Variants in NMT1 observed in about 807,000 individuals in gnomAD.
NMT1 encodes the protein N-myristoyltransferase 1.
In NMT1, 12 loss-of-function variants were observed where a neutral mutation model predicts 63.4. That is an observed-to-expected ratio of 0.19 (90% CI 0.12 to 0.31). The LOEUF is 0.31. Ranked by LOEUF, NMT1 falls within the 10% of genes least tolerant of loss-of-function variation. The pLI, the probability that NMT1 is intolerant of heterozygous loss-of-function variation, is 1.00. For synonymous variants in NMT1, 228 were observed against 234.3 expected (o/e 0.97, Z 0.25); for missense variants, 432 against 634.6 (o/e 0.68, Z 3.43).
intron 3 of NMT1, among the ~76,000 whole-genome samples, chr17:45,092,368 C>T (rs1420941518): frequency 6.9e-6 from 1 of 144,044 alleles, no homozygotes; most frequent in Non-Finnish European, 1.5e-5. Context: ...CCTGATGCAG[C>T]CCTTTCCACC....
At chr17:45,069,838 G>T (rs745531515) in intron 1 of NMT1, among the ~76,000 whole-genome samples, 1 of 148,006 alleles carries the variant, frequency 6.8e-6, no homozygotes, top group African/African-American at 2.5e-5. Flanking sequence ...CATTCTAATC[G>T]CACCACTGCA....
intron 8 of NMT1, among the ~76,000 whole-genome samples, chr17:45,100,233 C>G (rs1184071441): frequency 6.6e-6 from 1 of 152,026 alleles, no homozygotes; most frequent in Admixed American, 6.5e-5. Flanking sequence ...GGACTACAGG[C>G]GTGTGCCGCC....
chr17:45,105,716 A>AT lies in NMT1; in HGVS notation c.*81dup. 1 of 1,417,620 alleles carries AT rather than the reference A, an allele frequency of 7.1e-7. No individual in the cohort carries two copies. Among genetic ancestry groups the AT allele is most frequent in the Non-Finnish European group, 9.9e-7 (1 of 1,008,906 alleles). 87.8% of individuals were successfully genotyped at this position (1,417,620 alleles called of 1,614,324 possible). On this transcript the variant is annotated 3_prime_UTR_variant, in exon 12 of 12. Transcript: ENST00000258960. The surrounding 1 kb of genome is among the most constrained non-coding windows in gnomAD (Gnocchi z 4.2). ...ATGGAACCCCACCACTGTTGGTCCAATTTTCACACACGTGAGAATCCCTGG... is the reference window on the plus strand; with the variant it reads ...ATGGAACCCCACCACTGTTGGTCCAATTTTTCACACACGTGAGAATCCCTGG...
intron 3 of NMT1, 122 bp from the exon 4 acceptor site, chr17:45,093,563 A>C: frequency 1.4e-6 from 1 of 711,124 alleles, no homozygotes; most frequent in Non-Finnish European, 2.3e-6. Flanking sequence ...CAAGCACAGA[A>C]TGTTCTTCAG....
At chr17:45,098,858 T>G (rs2054143140) in intron 7 of NMT1, 4 of 335,672 alleles carry the variant, frequency 1.2e-5, no homozygotes, top group Non-Finnish European at 2.2e-5. Context: ...TGAGCCCAAA[T>G]CTGGATTTTT....
At chr17:45,072,164 A>G (rs2053944251) in intron 1 of NMT1, among the ~76,000 whole-genome samples, 1 of 151,240 alleles carries the variant, frequency 6.6e-6, no homozygotes, top group South Asian at 2.1e-4. Flanking sequence ...AGGTGAGATG[A>G]TCGCTTGAAC....
At chr17:45,069,213 C>T (rs747983067) in intron 1 of NMT1, among the ~76,000 whole-genome samples, 3 of 151,114 alleles carry the variant, frequency 2.0e-5, no homozygotes, top group Non-Finnish European at 4.4e-5. Flanking sequence ...TCCTCCTTGT[C>T]CTCCCAAAGT....
rs936121202 is a variant in NMT1 at position 45,104,194 on chromosome 17, C to G, written c.1332+318C>G. On this transcript the variant is annotated intron_variant, in intron 10 of 11. Transcript: ENST00000258960. This position sits in a 1 kb window ranked among gnomAD's most constrained non-coding sequence, Gnocchi z 4.2. ...GGGCTTCTCCTCACAGCTTTCCCAG[C>G]GTGGGAAAGGGGTGATTGCTGTCTG... 2 of 1,259,534 alleles carry G rather than the reference C, an allele frequency of 1.6e-6. No homozygotes were observed. Among genetic ancestry groups the G allele is most frequent in the African/African-American group, 3.1e-5 (2 of 65,184 alleles). 78.0% of individuals were successfully genotyped at this position (1,259,534 alleles called of 1,614,324 possible). A position where few individuals can be genotyped will look rare whatever the true frequency, so the allele number is the denominator to read the frequency against.
chr17:45,081,698 AAAG>A lies in NMT1; in HGVS notation c.192_194del (p.Lys65del). 2 of 1,610,328 alleles carry A rather than the reference AAAG, an allele frequency of 1.2e-6. No individual in the cohort carries two copies. Among genetic ancestry groups the A allele is most frequent in the Non-Finnish European group, 1.7e-6 (2 of 1,177,842 alleles). On this transcript the variant is annotated inframe_deletion, in exon 2 of 12. Transcript: ENST00000258960. ...CCAAAAAGAAGAAAAAGAAACAAAA[AAAG>A]AAGAAAGAAAAAGGCAGTGAGACAG...
intron 1 of NMT1, among the ~76,000 whole-genome samples, chr17:45,077,282 T>C (rs2053984482): frequency 6.6e-6 from 1 of 152,208 alleles, no homozygotes; most frequent in Admixed American, 6.5e-5. Flanking sequence ...AGCTAATTTG[T>C]GGTTATGGAC....
At chr17:45,069,908 G>A (rs1335605730) in intron 1 of NMT1, among the ~76,000 whole-genome samples, 1 of 151,796 alleles carries the variant, frequency 6.6e-6, no homozygotes, top group Non-Finnish European at 1.5e-5. Flanking sequence ...CATTCTAGTA[G>A]GTGAGATTTC....
chr17:45,077,575 A>G (rs2053986116), intron 1 of NMT1, among the ~76,000 whole-genome samples: 1 of 152,132 alleles, frequency 6.6e-6, no homozygotes, highest in Middle Eastern at 3.2e-3. Context: ...TTTTTAGTAG[A>G]GACAGGGTTT....
chr17:45,063,271 G>A (rs1166124799), intron 1 of NMT1, among the ~76,000 whole-genome samples: 1 of 149,918 alleles, frequency 6.7e-6, no homozygotes, highest in Non-Finnish European at 1.5e-5. Context: ...GCCAAATTTA[G>A]TTTTTATAAG....
chr17:45,105,882 C>T lies in NMT1; in HGVS notation c.*243C>T. 2.0e-6 allele frequency: 1 copy of T among 501,540 alleles called. No individual in the cohort carries two copies. Among genetic ancestry groups the T allele is most frequent in the East Asian group, 3.8e-5 (1 of 26,438 alleles). The allele number at this position is 501,540 out of a possible 1,614,324, so 31.1% of individuals were successfully genotyped here. ...TCCAGTTAATTACATCCTCATGCAGCCGTGATCAAGGGAATGTAACTGCTG... is the reference window on the plus strand; with the variant it reads ...TCCAGTTAATTACATCCTCATGCAGTCGTGATCAAGGGAATGTAACTGCTG... On this transcript the variant is annotated 3_prime_UTR_variant, in exon 12 of 12. Transcript: ENST00000258960. This position sits in a 1 kb window ranked among gnomAD's most constrained non-coding sequence, Gnocchi z 4.2.
Position 45,061,339 on chromosome 17 carries a change from G to A in NMT1, c.10G>A (p.Glu4Lys), listed in dbSNP as rs983223652. The change falls in exon 1 of 12, where the codon GAG becomes AAG. Residue 4 changes from glutamate (E) to lysine (K), a missense_variant. Physicochemically the swap from Glu to Lys is moderately conservative, Grantham distance 56. Around this residue, in one of 4 missense-constraint regions of NMT1, gnomAD observed 121 missense variants for 103.7 expected, o/e 1.17. Coordinates refer to ENST00000258960, the MANE Select transcript of NMT1 (RefSeq NM_021079.5). MAD[E>K]SETAVKPPAP... The stretch of plus-strand genomic sequence containing the variant: ...GCTCTCGCAACTCAAGATGGCGGAC[G>A]AGAGTGAGACAGCAGTGAAGCCGCC... 9.9e-6 allele frequency: 16 copies of A among 1,613,644 alleles called. No homozygotes were observed. The highest frequency in any genetic ancestry group is 3.3e-4 in the Middle Eastern group (2 of 6,084).
intron 1 of NMT1, among the ~76,000 whole-genome samples, chr17:45,075,524 G>A (rs928933822): frequency 6.6e-6 from 1 of 150,652 alleles, no homozygotes; most frequent in African/African-American, 2.4e-5. Flanking sequence ...GCTCACGCCT[G>A]TAATCCCAGC....
chr17:45,070,647 G>A (rs368416584), intron 1 of NMT1, among the ~76,000 whole-genome samples: 202 of 143,842 alleles, frequency 1.4e-3, no homozygotes, highest in African/African-American at 5.2e-3. Flanking sequence ...TCGATCTCCT[G>A]ACCTCATGAT....
At chr17:45,064,495 C>T (rs1356716505) in intron 1 of NMT1, among the ~76,000 whole-genome samples, 1 of 152,126 alleles carries the variant, frequency 6.6e-6, no homozygotes, top group Non-Finnish European at 1.5e-5. Flanking sequence ...TGCAGCACGG[C>T]ACAGTAGAAA....
Position 45,107,901 on chromosome 17 carries a change from TGC to T in NMT1, c.*2264_*2265del, listed in dbSNP as rs2054212824. 6.6e-6 allele frequency: 1 copy of T among 152,140 alleles called. No homozygotes were observed. Among genetic ancestry groups the T allele is most frequent in the South Asian group, 2.1e-4 (1 of 4,808 alleles). 9.4% of individuals were successfully genotyped at this position (152,140 alleles called of 1,614,324 possible). On this transcript the variant is annotated 3_prime_UTR_variant, in exon 12 of 12. Coordinates refer to ENST00000258960, the MANE Select transcript of NMT1 (RefSeq NM_021079.5). Reference sequence around the variant, plus strand: ...CGGCTCCTCGGACTCTGCTTTATGTTGCGGTGAGAACTCTGCCCAGGTGTGCA... The same window carrying T: ...CGGCTCCTCGGACTCTGCTTTATGTTGGTGAGAACTCTGCCCAGGTGTGCA...
Sources: allele counts gnomAD v4.1 joint callset (sites outside exome capture counted in the v4.1 genomes callset), GRCh38; gene constraint gnomAD v4.1.1; regional missense constraint gnomAD v4.1.1; non-coding constraint Gnocchi (gnomAD v3.1); transcripts MANE v1.5; gene names NCBI Gene and HGNC (gene_info 2026-07-23, HGNC 2026-07-21).